VASH1: variants seen among roughly 807,000 people sequenced by gnomAD.
VASH1 encodes the protein tubulinyl-Tyr carboxypeptidase 1.
VASH1 carries 16 observed loss-of-function variants against 35.0 expected under a neutral mutation model. The ratio of observed to expected loss-of-function variants is 0.46; its 90% CI spans 0.31 to 0.70. The LOEUF is 0.70. Among genes scored for constraint, VASH1 ranks in the 30% least tolerant of loss-of-function variants. VASH1 has a pLI of 0.05. For synonymous variants in VASH1, 214 were observed against 200.9 expected, an observed-to-expected ratio of 1.07 and a Z score of -0.55; for missense variants, 505 against 510.7, an observed-to-expected ratio of 0.99 and a Z score of 0.11.
intron 3 of VASH1, among the ~76,000 whole-genome samples, chr14:76,772,605 G>C (rs1216218526): frequency 2.6e-5 from 4 of 152,238 alleles, no homozygotes; most frequent in Non-Finnish European, 2.9e-5. Context: ...TTCAGGAGCA[G>C]ATCTGTAGTC....
chr14:76,768,405 CG>C (rs1284120315), intron 1 of VASH1, among the ~76,000 whole-genome samples: 3 of 152,156 alleles, frequency 2.0e-5, no homozygotes, highest in African/African-American at 7.2e-5. Flanking sequence ...GCAGCCAGTG[CG>C]GTTGCTAGGG....
At chr14:76,767,957 TGATCCAGTCCTGG>T (rs529849225) in intron 1 of VASH1, among the ~76,000 whole-genome samples, 15 of 152,294 alleles carry the variant, frequency 9.8e-5, no homozygotes, top group African/African-American at 3.6e-4. Context: ...TCTGGGTGAA[TGATCCAGTCCTGG>T]GACTGCAGCT....
At chr14:76,775,718 A>G (rs1893917212) in intron 4 of VASH1, among the ~76,000 whole-genome samples, 174 bp from the exon 5 acceptor site, 1 of 152,154 alleles carries the variant, frequency 6.6e-6, no homozygotes, top group Admixed American at 6.5e-5. Flanking sequence ...ACCAGGCTCA[A>G]TGCTAGATGG....
chr14:76,763,151 G>GA (rs1343924234), intron 1 of VASH1, 21 bp downstream of exon 1: 1 of 1,438,248 alleles, frequency 7.0e-7, no homozygotes, highest in Non-Finnish European at 9.2e-7. Context: ...CGGGTCAGGG[G>GA]GGTGATAGCA....
chr14:76,765,339 G>A (rs945406533), intron 1 of VASH1, among the ~76,000 whole-genome samples: 16 of 152,286 alleles, frequency 1.1e-4, no homozygotes, highest in African/African-American at 3.6e-4. Flanking sequence ...CCATCGCTAG[G>A]GTAGAAGGAA....
At chr14:76,767,154 A>T (rs921545611) in intron 1 of VASH1, among the ~76,000 whole-genome samples, 1 of 152,012 alleles carries the variant, frequency 6.6e-6, no homozygotes, top group African/African-American at 2.4e-5. Flanking sequence ...CTGAGGCAGG[A>T]GAATCACTTG....
intron 4 of VASH1, 114 bp downstream of exon 4, chr14:76,773,325 T>C: frequency 9.3e-7 from 1 of 1,070,536 alleles, no homozygotes; most frequent in Non-Finnish European, 1.4e-6. Flanking sequence ...CCATATGCAG[T>C]CATCTGCTTG....
rs776786962 is a variant in VASH1 at position 76,773,189 on chromosome 14, C to T, written c.508C>T (p.Leu170=). The change falls in exon 4 of 7, where the codon CTG becomes TTG. Residue 170 remains leucine, a synonymous_variant. Coordinates refer to ENST00000167106, the MANE Select transcript of VASH1 (RefSeq NM_014909.5). ...CAAAGAGGCCCTGCCAATCAAATGC[C>T]TGGAAGCCGTGATCCTGGGAATGTA... ...MTKEALPIKC[L]EAVILGIYLT... 6.2e-7 allele frequency: 1 copy of T among 1,614,166 alleles called. No homozygotes were observed. The highest frequency in any genetic ancestry group is 2.2e-5 in the East Asian group (1 of 44,878).
Position 76,770,285 on chromosome 14 carries a change from C to G in VASH1, c.398+234C>G, listed in dbSNP as rs371880248. On this transcript the variant is annotated intron_variant, in intron 2 of 6. Transcript: ENST00000167106. Reference sequence around the variant, plus strand: ...GCCCACTCTGCACTCTCTGCCACCCCCTTCCCGCTCCTGCCGTGTGATGGG... The same window carrying G: ...GCCCACTCTGCACTCTCTGCCACCCGCTTCCCGCTCCTGCCGTGTGATGGG... Among the ~76,000 whole-genome samples, 5 of 152,262 alleles carry G rather than the reference C, an allele frequency of 3.3e-5. No individual in the cohort carries two copies. The South Asian group carries it at 8.3e-4, about 25-fold the overall frequency.
intron 5 of VASH1, among the ~76,000 whole-genome samples, chr14:76,777,046 T>C (rs780213678): frequency 6.6e-6 from 1 of 152,150 alleles, no homozygotes; most frequent in Non-Finnish European, 1.5e-5. Flanking sequence ...TCACTGGCAG[T>C]GAGAGGCAGA....
chr14:76,777,136 G>C (rs1893967098), intron 5 of VASH1, among the ~76,000 whole-genome samples: 3 of 152,226 alleles, frequency 2.0e-5, no homozygotes, highest in Admixed American at 2.0e-4. Flanking sequence ...CCTGGCAGGG[G>C]TTTGTAAGAG....
At position 76,776,246 on chromosome 14, in the gene VASH1, G is replaced by A. The variant is rs1232120095; in HGVS notation, c.885G>A (p.Glu295=). Residue 295 remains glutamate (E), a synonymous_variant, in exon 5 of 7, where the codon GAG becomes GAA. Transcript: ENST00000167106. ...LGRDDFRKEL[E]RHARDMRLKI... is the part of the protein sequence containing the mutation. ...GCGATGACTTCCGCAAGGAGCTGGA[G>A]CGCCACGCCCGCGACATGCGGCTCA... The A allele has an allele frequency of 1.9e-6, 3 of 1,602,472 alleles. No homozygotes were observed. In the African/African-American group the frequency reaches 4.0e-5, roughly 21 times the overall value.
In VASH1 at chr14:76,777,975, G is replaced by GC; in HGVS notation, c.932dup (p.Pro312SerfsTer29). The GC allele has an allele frequency of 6.5e-7, 1 of 1,534,578 alleles. No homozygotes were observed. Among genetic ancestry groups the GC allele is most frequent in the Non-Finnish European group, 8.8e-7 (1 of 1,141,160 alleles). ...TGCACCTAGATTGGCAAAGGGACGG[G>GC]CCCTCCCTCTCCCACCAAGGACCGG... On this transcript the variant is annotated frameshift_variant, in exon 6 of 7. Coordinates refer to ENST00000167106, the MANE Select transcript of VASH1 (RefSeq NM_014909.5). LOFTEE classifies it high-confidence loss of function.
At chr14:76,776,350 AGGACTGGGGAGCTTCTCAGG>A (rs1566687065) in intron 5 of VASH1, 77 bp downstream of exon 5, 2 of 1,453,030 alleles carry the variant, frequency 1.4e-6, no homozygotes, top group Non-Finnish European at 9.1e-7. Context: ...GAGGATTGAG[AGGACTGGGGAGCTTCTCAGG>A]GGACTGGGGT....
At chr14:76,766,032 T>C (rs1159982853) in intron 1 of VASH1, among the ~76,000 whole-genome samples, 1 of 152,170 alleles carries the variant, frequency 6.6e-6, no homozygotes, top group Non-Finnish European at 1.5e-5. Context: ...AGCTGTGAAA[T>C]GGAGCTAATA....
chr14:76,769,928 T>C (rs780281869), intron 1 of VASH1, 35 bp from the exon 2 acceptor site: 2 of 1,606,962 alleles, frequency 1.2e-6, no homozygotes, highest in Non-Finnish European at 1.7e-6. Context: ...AAGGTGAGCC[T>C]CTTCTTGTGA....
chr14:76,762,761 G>A lies in VASH1; in HGVS notation c.-61G>A, dbSNP rs1455159112. The A allele has an allele frequency of 1.9e-5, 26 of 1,401,694 alleles. 1 individual carries two copies. In the South Asian group the frequency reaches 4.1e-4, roughly 22 times the overall value. 86.8% of individuals were successfully genotyped at this position (1,401,694 alleles called of 1,614,324 possible). On this transcript the variant is annotated 5_prime_UTR_variant, in exon 1 of 7. Transcript: ENST00000167106. ...TGTGTTATCTCTGCAGCCGGTGTGT[G>A]GGAGGCCTCTTGTGAGCCAGTTGTT...
In VASH1 at chr14:76,782,069, G is replaced by A. The variant is rs1251706200; in HGVS notation, c.*3051G>A. 2 of 152,238 alleles carry A rather than the reference G, an allele frequency of 1.3e-5. No individual in the cohort carries two copies. The highest frequency in any genetic ancestry group is 2.9e-5 in the Non-Finnish European group (2 of 68,080). 9.4% of individuals were successfully genotyped at this position (152,238 alleles called of 1,614,324 possible). ...ACCTGTGGAAAATGGACCAGGTTGG[G>A]GGGGTGATTGCAAAGTCTCCCCAAA... On this transcript the variant is annotated 3_prime_UTR_variant, in exon 7 of 7. Transcript: ENST00000167106.
chr14:76,769,630 G>A (rs1335794700), intron 1 of VASH1, among the ~76,000 whole-genome samples: 1 of 152,180 alleles, frequency 6.6e-6, no homozygotes, highest in African/African-American at 2.4e-5. Flanking sequence ...ATATTCTTAA[G>A]TCTTGAAACT....
Sources: gnomAD v4.1 joint callset for allele counts (sites outside exome capture counted in the v4.1 genomes callset) on GRCh38, gnomAD v4.1.1 for gene constraint, MANE v1.5 for transcripts, NCBI Gene and HGNC (gene_info 2026-07-23, HGNC 2026-07-21) for gene names.